NR4A1: variants seen among roughly 807,000 people sequenced by gnomAD.
NR4A1 encodes nuclear receptor subfamily 4immunitygroup A member 1.
A neutral mutation model predicts 47.5 loss-of-function variants in NR4A1; 24 were observed. The ratio of observed to expected loss-of-function variants is 0.50; its 90% CI spans 0.37 to 0.71. NR4A1 has a LOEUF of 0.71. Ranked by LOEUF, NR4A1 falls within the 30% of genes least tolerant of loss-of-function variation. The probability of loss-of-function intolerance (pLI) is 0.00; values close to 1 mark genes in which losing one functional copy is unlikely to be tolerated. For synonymous variants in NR4A1, 353 were observed against 345.7 expected, an observed-to-expected ratio of 1.02 and a Z score of -0.24; for missense variants, 669 against 788.6, an observed-to-expected ratio of 0.85 and a Z score of 1.82.
chr12:52,054,509 A>G lies in NR4A1; in HGVS notation c.181A>G (p.Thr61Ala). The part of the protein sequence containing the change: ...PSFSTFMDGY[T>A]GEFDTFLYQL... ...CTTCAGCACCTTCATGGACGGCTACACAGGAGAGTTTGACACCTTCCTCTA... is the reference window on the plus strand; with the variant it reads ...CTTCAGCACCTTCATGGACGGCTACGCAGGAGAGTTTGACACCTTCCTCTA... The change falls in exon 2 of 7, where the codon ACA (threonine) becomes GCA (alanine). Residue 61 changes from threonine to alanine, a missense_variant. Coordinates refer to ENST00000394825, the MANE Select transcript of NR4A1 (RefSeq NM_173157.3). The G allele has an allele frequency of 6.2e-7, 1 of 1,613,914 alleles. No individual in the cohort carries two copies. Among genetic ancestry groups the G allele is most frequent in the African/African-American group, 1.3e-5 (1 of 74,996 alleles).
intron 1 of NR4A1, among the ~76,000 whole-genome samples, chr12:52,025,063 CTTTTTT>C (rs532559170): frequency 2.3e-5 from 3 of 132,188 alleles, no homozygotes; most frequent in African/African-American, 8.5e-5. Context: ...CTCACTGCTG[CTTTTTT>C]TTTTTTTTTT....
intron 1 of NR4A1, among the ~76,000 whole-genome samples, chr12:52,025,852 A>T (rs1401399943): frequency 2.0e-5 from 3 of 152,174 alleles, no homozygotes; most frequent in Non-Finnish European, 4.4e-5. Context: ...ACCGTACAGC[A>T]CTTGGGGGCC....
upstream of NR4A1, among the ~76,000 whole-genome samples, chr12:52,049,937 G>A (rs1483980590): frequency 3.3e-5 from 5 of 152,112 alleles, no homozygotes; most frequent in Admixed American, 2.0e-4. Flanking sequence ...CAGAGCCTCC[G>A]GGGCAGAGAA....
At chr12:52,043,788 G>T in intron 2 of NR4A1, 1 of 1,287,834 alleles carries the variant, frequency 7.8e-7, no homozygotes, top group Non-Finnish European at 1.0e-6. Context: ...TGGGCAGCAC[G>T]TCTCTCCCCA....
At chr12:52,052,627 C>G (rs187070065) in intron 1 of NR4A1, 1 of 985,670 alleles carries the variant, frequency 1.0e-6, no homozygotes, top group Non-Finnish European at 1.2e-6. Context: ...GACTGCTCCC[C>G]CCTCCTGTGA....
In NR4A1 at chr12:52,056,399, C is replaced by T. The variant is rs558085115; in HGVS notation, c.1007-95C>T. 3.0e-4 allele frequency: 448 copies of T among 1,516,366 alleles called. 1 individual carries two copies. Among genetic ancestry groups the T allele is most frequent in the Non-Finnish European group, 3.6e-4 (406 of 1,128,396 alleles). The allele number at this position is 1,516,366 out of a possible 1,614,324, so 93.9% of individuals were successfully genotyped here. ...TCAGGGACTCTGGGTCCTAGGGACTCGGTGGGGCGCGTCTCAGCAGTGGTG... is the reference window on the plus strand; with the variant it reads ...TCAGGGACTCTGGGTCCTAGGGACTTGGTGGGGCGCGTCTCAGCAGTGGTG... On this transcript the variant is annotated intron_variant, in intron 3 of 6. Coordinates refer to ENST00000394825, the MANE Select transcript of NR4A1 (RefSeq NM_173157.3).
At position 52,055,171 on chromosome 12, in the gene NR4A1, C is replaced by G; in HGVS notation, c.843C>G (p.Val281=). ...ACGCTTCATGCCAGCATTATGGTGT[C>G]CGCACATGTGAGGGCTGCAAGGGCT... ...GDNASCQHYG[V]RTCEGCKGFF... The change falls in exon 2 of 7, where the codon GTC becomes GTG. Residue 281 remains valine (V), a synonymous_variant. Transcript: ENST00000394825. 6.2e-7 allele frequency: 1 copy of G among 1,613,736 alleles called. No individual in the cohort carries two copies. Among genetic ancestry groups the G allele is most frequent in the Non-Finnish European group, 8.5e-7 (1 of 1,180,040 alleles).
At chr12:52,056,997 A>G (rs1939306355) in intron 4 of NR4A1, 60 bp from the exon 5 acceptor site, 1 of 1,436,508 alleles carries the variant, frequency 7.0e-7, no homozygotes, top group Non-Finnish European at 9.5e-7. Context: ...ACACAGCCAT[A>G]CGTGGCAGTG....
exon 2 of NR4A1, chr12:52,041,837 C>A: frequency 6.7e-7 from 1 of 1,501,016 alleles, no homozygotes; most frequent in South Asian, 1.4e-5. Context: ...AGGCCAGGCC[C>A]TGCCCCTCCC....
intron 1 of NR4A1, among the ~76,000 whole-genome samples, chr12:52,025,704 G>A (rs532189184): frequency 2.0e-5 from 3 of 152,324 alleles, no homozygotes; most frequent in African/African-American, 7.2e-5. Context: ...GGCTTTCCGA[G>A]GTTCTTTTCC....
Position 52,057,053 on chromosome 12 carries a change from C to G in NR4A1, c.1159-4C>G, listed in dbSNP as rs1258319356. 1.9e-6 allele frequency: 3 copies of G among 1,591,500 alleles called. No homozygotes were observed. The highest frequency in any genetic ancestry group is 2.3e-5 in the East Asian group (1 of 43,644). The stretch of plus-strand genomic sequence containing the variant: ...GTGCTGACCCCACTGGACCGTCTTC[C>G]TAGTTCCAGGAGCTGGTGCTGCCCC... On this transcript the variant is annotated splice_polypyrimidine_tract_variant and splice_region_variant and intron_variant, in intron 4 of 6. Coordinates refer to ENST00000394825, the MANE Select transcript of NR4A1 (RefSeq NM_173157.3).
Position 52,054,834 on chromosome 12 carries a change from G to A in NR4A1, c.506G>A (p.Gly169Asp). 1 of 1,613,770 alleles carries A rather than the reference G, an allele frequency of 6.2e-7. No individual in the cohort carries two copies. ...GHFSPSQTYE[G>D]LRAWTEQLPK... ...TTCTCGCCCAGCCAGACTTACGAAG[G>A]CCTGCGGGCATGGACAGAGCAGCTG... The change falls in exon 2 of 7, where the codon GGC becomes GAC. Residue 169 changes from glycine (G) to aspartate (D), a missense_variant. By Grantham distance (94) the Gly-to-Asp change is moderately conservative (BLOSUM62 -1). Coordinates refer to ENST00000394825, the MANE Select transcript of NR4A1 (RefSeq NM_173157.3).
intron 1 of NR4A1, chr12:52,038,755 T>C (rs1254582761): frequency 6.5e-6 from 5 of 764,546 alleles, no homozygotes; most frequent in Non-Finnish European, 1.2e-5. Context: ...TGAAGGTAAC[T>C]GGGCAGAAGG....
At chr12:52,043,665 G>A (rs1187495043) in intron 2 of NR4A1, 2 of 1,193,498 alleles carry the variant, frequency 1.7e-6, no homozygotes, top group Admixed American at 3.5e-5. Context: ...ATCCCCAGAG[G>A]CCGGCTCTGG....
intron 2 of NR4A1, chr12:52,043,961 T>A: frequency 7.8e-7 from 1 of 1,281,172 alleles, no homozygotes; most frequent in Middle Eastern, 2.2e-4. Flanking sequence ...GCTGTTTGGA[T>A]TTTTTCCCAT....
At chr12:52,030,278 C>T (rs1938092663) in intron 1 of NR4A1, among the ~76,000 whole-genome samples, 1 of 152,182 alleles carries the variant, frequency 6.6e-6, no homozygotes, top group Admixed American at 6.5e-5. Flanking sequence ...AATCCCTTCA[C>T]CTCTGGGTAG....
At chr12:52,041,655 C>T (rs1475297667) in intron 1 of NR4A1, 5 of 833,192 alleles carry the variant, frequency 6.0e-6, no homozygotes, top group Admixed American at 4.2e-5. Flanking sequence ...GGCTCCAATG[C>T]CTAACCCGGG....
Position 52,031,055 on chromosome 12 carries a change from G to GC in NR4A1, c.-84+8119dup, listed in dbSNP as rs547301753. Among the ~76,000 whole-genome samples, 308 of 151,898 alleles carry GC rather than the reference G, an allele frequency of 2.0e-3. 1 individual carries two copies. Among genetic ancestry groups the GC allele is most frequent in the African/African-American group, 6.1e-3 (252 of 41,412 alleles). On this transcript the variant is annotated intron_variant, in intron 1 of 7. Coordinates refer to the NR4A1 transcript ENST00000360284. ...TTTTGAGATAGGGTCTCACTCTGTC[G>GC]CCCAGGCTGGAGTGCAGTGGTGCTG... is the stretch of plus-strand genomic sequence containing the variant.
upstream of NR4A1, among the ~76,000 whole-genome samples, chr12:52,047,622 G>C (rs1938704907): frequency 6.6e-6 from 1 of 152,236 alleles, no homozygotes; most frequent in South Asian, 2.1e-4. Context: ...CAGCAGGACT[G>C]CAGCCTCCAT....
Sources: gnomAD v4.1 joint callset for allele counts (sites outside exome capture counted in the v4.1 genomes callset) on GRCh38, gnomAD v4.1.1 for gene constraint, MANE v1.5 for transcripts, NCBI Gene and HGNC (gene_info 2026-07-23, HGNC 2026-07-21) for gene names.